Variants in CDH18 observed in about 807,000 individuals in gnomAD.
CDH18 encodes cadherin-18.
In CDH18, 31 loss-of-function variants were observed where a neutral mutation model predicts 67.9. The observed-to-expected ratio is 0.46, with a 90% CI of 0.34 to 0.62. CDH18 has a LOEUF of 0.62. Ranked by LOEUF, CDH18 falls within the 20% of genes least tolerant of loss-of-function variation. The pLI, the probability that CDH18 is intolerant of heterozygous loss-of-function variation, is 0.01. For synonymous variants in CDH18, 362 were observed against 347.2 expected, an observed-to-expected ratio of 1.04 and a Z score of -0.48; for missense variants, 890 against 975.5, an observed-to-expected ratio of 0.91 and a Z score of 1.17.
intron 2 of CDH18, among the ~76,000 whole-genome samples, chr5:19,930,755 C>A (rs1461758543): frequency 6.6e-6 from 1 of 151,956 alleles, no homozygotes; most frequent in Non-Finnish European, 1.5e-5. Flanking sequence ...TGAAACTGCC[C>A]TTGCTTGTAG....
chr5:19,891,706 C>A (rs750571247), intron 2 of CDH18, among the ~76,000 whole-genome samples: 4 of 152,072 alleles, frequency 2.6e-5, no homozygotes, highest in Non-Finnish European at 5.9e-5. Context: ...TCTCCCCAGG[C>A]TGAGATACTC....
intron 1 of CDH18, among the ~76,000 whole-genome samples, chr5:20,259,447 C>A (rs1744483485): frequency 6.6e-6 from 1 of 152,100 alleles, no homozygotes; most frequent in Admixed American, 6.5e-5. Flanking sequence ...GGCCCCAAGA[C>A]CAACTCTTCC....
intron 5 of CDH18, among the ~76,000 whole-genome samples, chr5:19,644,552 C>T (rs985584037): frequency 6.6e-6 from 1 of 152,112 alleles, no homozygotes; most frequent in Non-Finnish European, 1.5e-5. Context: ...TCCCCTTGTA[C>T]AGTGGAGCTC....
At chr5:19,995,574 C>G (rs1219880270) in intron 2 of CDH18, among the ~76,000 whole-genome samples, 2 of 149,360 alleles carry the variant, frequency 1.3e-5, no homozygotes, top group Non-Finnish European at 3.0e-5. Flanking sequence ...AGGATACTAC[C>G]CTCATCTGAT....
At chr5:19,654,824 G>A (rs1203386032) in intron 5 of CDH18, among the ~76,000 whole-genome samples, 1 of 152,144 alleles carries the variant, frequency 6.6e-6, no homozygotes, top group Non-Finnish European at 1.5e-5. Context: ...AGATGGACTA[G>A]GAAGATCATC....
intron 1 of CDH18, among the ~76,000 whole-genome samples, chr5:20,277,374 G>C (rs1745889915): frequency 6.6e-6 from 1 of 152,078 alleles, no homozygotes; most frequent in Non-Finnish European, 1.5e-5. Flanking sequence ...GTAATCCAGA[G>C]AATTCCTCAA....
intron 5 of CDH18, among the ~76,000 whole-genome samples, chr5:19,666,241 TTATTA>T: frequency 1.6e-5 from 1 of 61,930 alleles, no homozygotes; most frequent in Admixed American, 1.5e-4. Context: ...ATGATTTTTA[TTATTA>T]TTATTATTAT....
chr5:19,918,982 A>G (rs1792139395), intron 2 of CDH18, among the ~76,000 whole-genome samples: 1 of 152,136 alleles, frequency 6.6e-6, no homozygotes, highest in Non-Finnish European at 1.5e-5. Flanking sequence ...TGACCAGAAG[A>G]TTAGAACGTT....
At chr5:19,784,099 T>C (rs992188552) in intron 3 of CDH18, among the ~76,000 whole-genome samples, 1 of 152,180 alleles carries the variant, frequency 6.6e-6, no homozygotes, top group Admixed American at 6.5e-5. Flanking sequence ...TTATATGCCA[T>C]GTGCAAAAAA....
intron 1 of CDH18, among the ~76,000 whole-genome samples, chr5:20,324,175 G>T (rs1211493081): frequency 6.6e-6 from 1 of 152,196 alleles, no homozygotes; most frequent in Non-Finnish European, 1.5e-5. Flanking sequence ...TCAAATCAGT[G>T]TGCAGTTGTG....
At chr5:19,758,846 G>C (rs1011658856) in intron 3 of CDH18, among the ~76,000 whole-genome samples, 6 of 152,216 alleles carry the variant, frequency 3.9e-5, no homozygotes, top group Non-Finnish European at 8.8e-5. Context: ...TAAGTCCACT[G>C]TGTTTGCTCT....
chr5:19,896,646 A>C (rs1301368494), intron 2 of CDH18, among the ~76,000 whole-genome samples: 1 of 152,206 alleles, frequency 6.6e-6, no homozygotes, highest in Non-Finnish European at 1.5e-5. Context: ...CAGAACAGTG[A>C]AAACCAATTT....
intron 2 of CDH18, among the ~76,000 whole-genome samples, chr5:20,232,806 A>G (rs1275250626): frequency 6.6e-6 from 1 of 152,074 alleles, no homozygotes; most frequent in African/African-American, 2.4e-5. Context: ...TGCTACATTT[A>G]TTATTCACTC....
chr5:20,347,728 G>T (rs1740819646), intron 1 of CDH18, among the ~76,000 whole-genome samples: 1 of 152,140 alleles, frequency 6.6e-6, no homozygotes, highest in African/African-American at 2.4e-5. Context: ...CATGGATTTT[G>T]GTTAAGCATT....
intron 2 of CDH18, among the ~76,000 whole-genome samples, chr5:20,119,136 A>T (rs1252022108): frequency 1.3e-5 from 2 of 152,200 alleles, no homozygotes; most frequent in African/African-American, 4.8e-5. Context: ...TTTCTGGAAA[A>T]AAAATCCATG....
At position 20,563,620 on chromosome 5, in the gene CDH18, C is replaced by T. The variant is rs146692962; in HGVS notation, c.-580+11842G>A. On this transcript the variant is annotated intron_variant, in intron 1 of 14. Coordinates refer to the CDH18 transcript ENST00000507958. Reference sequence around the variant, plus strand: ...GGTGCAGGTTTGTTACATATGTATACGTTTTAAATTGGTGTTCATGAGTTT... The same window carrying T: ...GGTGCAGGTTTGTTACATATGTATATGTTTTAAATTGGTGTTCATGAGTTT... Among the ~76,000 whole-genome samples the T allele has an allele frequency of 3.4e-4, 52 of 152,150 alleles. No homozygotes were observed. In the East Asian group the frequency reaches 5.2e-3, roughly 15 times the overall value.
intron 2 of CDH18, among the ~76,000 whole-genome samples, chr5:20,022,408 A>G: frequency 6.6e-6 from 1 of 152,216 alleles, no homozygotes; most frequent in East Asian, 1.9e-4. Flanking sequence ...TATATGAATG[A>G]TATTACCATC....
intron 1 of CDH18, among the ~76,000 whole-genome samples, chr5:20,316,651 T>G (rs1019952347): frequency 6.6e-6 from 1 of 151,924 alleles, no homozygotes; most frequent in Admixed American, 6.6e-5. Context: ...ATGATATGCA[T>G]TTTGACCTTG....
intron 2 of CDH18, among the ~76,000 whole-genome samples, chr5:20,024,678 A>G (rs1738732363): frequency 6.6e-6 from 1 of 152,202 alleles, no homozygotes; most frequent in Non-Finnish European, 1.5e-5. Flanking sequence ...AATCAGATGA[A>G]TAAAATTCTC....
Sources: allele counts gnomAD v4.1 joint callset (sites outside exome capture counted in the v4.1 genomes callset), GRCh38; gene constraint gnomAD v4.1.1; transcripts MANE v1.5; gene names NCBI Gene and HGNC (gene_info 2026-07-23, HGNC 2026-07-21).